Variants in UBE3C observed in about 807,000 individuals in gnomAD.
The protein encoded by UBE3C is ubiquitin protein ligase E3C, also known as ubiquitin-protein ligase E3C.
In UBE3C, 42 loss-of-function variants were observed where a neutral mutation model predicts 129.4. That is an observed-to-expected ratio of 0.32 (90% CI 0.25 to 0.42). The LOEUF is 0.42. Among genes scored for constraint, UBE3C ranks in the 10% least tolerant of loss-of-function variants. The pLI, the probability that UBE3C is intolerant of heterozygous loss-of-function variation, is 1.00. For missense variants in UBE3C, 1,049 were observed against 1,319.1 expected (o/e 0.80, Z 3.17); for synonymous variants, 510 against 492.4 (o/e 1.04, Z -0.47).
chr7:157,189,114 A>C, intron 10 of UBE3C: 1 of 407,148 alleles, frequency 2.5e-6, no homozygotes, highest in African/African-American at 2.0e-5. Context: ...GCATAAAGAA[A>C]CTTGGAAGCA....
rs146828901 is a variant in UBE3C at position 157,142,555 on chromosome 7, G to C, written c.66+3217G>C. 8.5e-5 allele frequency among the ~76,000 whole-genome samples: 13 copies of C among 152,308 alleles called. No homozygotes were observed. The East Asian group carries it at 2.3e-3, about 27-fold the overall frequency. On this transcript the variant is annotated intron_variant, in intron 1 of 22. Transcript: ENST00000348165. ...ATTAGGATGGGTGGAAGACGAGAAG[G>C]CATTCCAGGTTCGTGGAGCGGGGTG...
At chr7:157,166,833 A>G (rs1168904786) in intron 2 of UBE3C, among the ~76,000 whole-genome samples, 1 of 150,658 alleles carries the variant, frequency 6.6e-6, no homozygotes, top group East Asian at 2.0e-4. Flanking sequence ...TCCTTTGGAG[A>G]TGTCGTATTT....
intron 4 of UBE3C, among the ~76,000 whole-genome samples, chr7:157,171,861 C>T (rs1247527151): frequency 1.0e-4 from 15 of 150,360 alleles, no homozygotes. Flanking sequence ...CGTGTACCAC[C>T]ACGCCCAGCT....
In UBE3C at chr7:157,254,055, C is replaced by G. The variant is rs2116693845; in HGVS notation, c.2796C>G (p.Ile932Met). 6.2e-7 allele frequency: 1 copy of G among 1,613,678 alleles called. No homozygotes were observed. Among genetic ancestry groups the G allele is most frequent in the East Asian group, 2.2e-5 (1 of 44,858 alleles). The part of the protein sequence containing the change: ...LVADYRLNRQ[I>M]RQHCLAFRQG... ...CAGACTACAGGCTGAACAGGCAGAT[C>G]CGCCAGCACTGCCTGGCTTTCCGCC... The change falls in exon 20 of 23, where the codon ATC (isoleucine) becomes ATG (methionine). Residue 932 changes from isoleucine (I) to methionine (M), a missense_variant. By Grantham distance (10) the Ile-to-Met change is conservative. This residue lies in a region of UBE3C where 243 missense variants were observed against 368.7 expected (regional missense o/e 0.66). Coordinates refer to ENST00000348165, the MANE Select transcript of UBE3C (RefSeq NM_014671.3).
chr7:157,209,692 G>A lies in UBE3C; in HGVS notation c.1809+1757G>A, dbSNP rs1300270440. The stretch of plus-strand genomic sequence containing the variant: ...ATAATTTCACTGTTTTATGGCATCT[G>A]TTGAGAGTTTCATAATTTCCATGAC... On this transcript the variant is annotated intron_variant, in intron 13 of 22. Transcript: ENST00000348165. Among the ~76,000 whole-genome samples the A allele has an allele frequency of 2.6e-5, 4 of 152,158 alleles. No individual in the cohort carries two copies. In the South Asian group the frequency reaches 6.2e-4, roughly 24 times the overall value.
intron 1 of UBE3C, among the ~76,000 whole-genome samples, chr7:157,156,604 C>T (rs1306182459): frequency 6.6e-6 from 1 of 151,820 alleles, no homozygotes; most frequent in Non-Finnish European, 1.5e-5. Flanking sequence ...CGCATCCGGC[C>T]CCAATTCTTT....
At chr7:157,174,214 T>G (rs1177690478) in intron 4 of UBE3C, among the ~76,000 whole-genome samples, 1 of 152,018 alleles carries the variant, frequency 6.6e-6, no homozygotes, top group East Asian at 1.9e-4. Flanking sequence ...ATATAAAAAT[T>G]AGCTGGGCGT....
chr7:157,241,110 C>T (rs777949190), intron 18 of UBE3C, among the ~76,000 whole-genome samples: 4 of 151,996 alleles, frequency 2.6e-5, no homozygotes, highest in Non-Finnish European at 2.9e-5. Flanking sequence ...CTTCTGTGCC[C>T]GGTGGTTCAA....
At chr7:157,219,901 TAA>T (rs60291484) in intron 14 of UBE3C, among the ~76,000 whole-genome samples, 68 of 137,660 alleles carry the variant, frequency 4.9e-4, no homozygotes, top group Middle Eastern at 3.8e-3. Flanking sequence ...AGACTCCATC[TAA>T]AAAAAAAAAA....
intron 19 of UBE3C, among the ~76,000 whole-genome samples, chr7:157,250,301 C>T (rs1367459483): frequency 6.6e-6 from 1 of 152,172 alleles, no homozygotes; most frequent in Non-Finnish European, 1.5e-5. Flanking sequence ...TCACTGCACC[C>T]TCAGCCTCCT....
intron 18 of UBE3C, among the ~76,000 whole-genome samples, chr7:157,241,668 C>T (rs1487408747): frequency 6.6e-6 from 1 of 152,210 alleles, no homozygotes; most frequent in African/African-American, 2.4e-5. Flanking sequence ...AGGTTAATTA[C>T]CTTTGGACCC....
At chr7:157,217,250 A>C in intron 14 of UBE3C, 1 of 257,202 alleles carries the variant, frequency 3.9e-6, no homozygotes, top group East Asian at 1.1e-4. Context: ...AGGTTGAAAA[A>C]TATTTTGCTT....
At chr7:157,170,117 G>GTTT (rs146750630) in intron 3 of UBE3C, among the ~76,000 whole-genome samples, 187 bp from the exon 4 acceptor site, 3,363 of 134,788 alleles carry the variant, frequency 0.025, 165 homozygotes, top group African/African-American at 0.087. Context: ...ACCATGCCTG[G>GTTT]TTTTTTTTTT....
At chr7:157,154,410 G>A (rs1397822122) in intron 1 of UBE3C, among the ~76,000 whole-genome samples, 1 of 151,992 alleles carries the variant, frequency 6.6e-6, no homozygotes, top group East Asian at 1.9e-4. Context: ...TATTTTCTCA[G>A]TATCCTCTCA....
chr7:157,231,406 G>C (rs1234567434), intron 18 of UBE3C, 79 bp downstream of exon 18: 3 of 1,555,882 alleles, frequency 1.9e-6, no homozygotes, highest in African/African-American at 1.4e-5. Flanking sequence ...TTGTTATCCA[G>C]GTTTACCATA....
intron 22 of UBE3C, 32 bp from the exon 23 acceptor site, chr7:157,267,553 C>T: frequency 6.2e-7 from 1 of 1,610,726 alleles, no homozygotes. Flanking sequence ...ATGCTTGTTA[C>T]AGTGACATCT....
At chr7:157,241,037 T>G (rs973074032) in intron 18 of UBE3C, among the ~76,000 whole-genome samples, 1 of 152,120 alleles carries the variant, frequency 6.6e-6, no homozygotes, top group Non-Finnish European at 1.5e-5. Flanking sequence ...CCAGGGATTT[T>G]AGCGGGAGGG....
chr7:157,248,554 G>A lies in UBE3C; in HGVS notation c.2668G>A (p.Val890Met). The A allele has an allele frequency of 1.9e-6, 3 of 1,612,584 alleles. No homozygotes were observed. Among genetic ancestry groups the A allele is most frequent in the Non-Finnish European group, 2.5e-6 (3 of 1,180,022 alleles). The change falls in exon 19 of 23, where the codon GTG becomes ATG. Residue 890 changes from valine (V) to methionine (M), a missense_variant. Physicochemically the swap from Val to Met is conservative, Grantham distance 21. Coordinates refer to ENST00000348165, the MANE Select transcript of UBE3C (RefSeq NM_014671.3). ...VEELGLNFTVVNNDLGEAQVV... is the reference protein window; with the variant it reads ...VEELGLNFTVMNNDLGEAQVV... ...GGAGCTTGGGCTGAACTTCACTGTG[G>A]TGAACAATGACCTGGGAGAGGCGCA...
At chr7:157,265,263 C>G (rs1415597694) in intron 22 of UBE3C, among the ~76,000 whole-genome samples, 1 of 152,252 alleles carries the variant, frequency 6.6e-6, no homozygotes, top group Non-Finnish European at 1.5e-5. Flanking sequence ...GATACTAAAT[C>G]TGCACAGGCT....
Sources: gnomAD v4.1 joint callset for allele counts (sites outside exome capture counted in the v4.1 genomes callset) on GRCh38, gnomAD v4.1.1 for gene constraint, gnomAD v4.1.1 regional missense constraint, MANE v1.5 for transcripts, NCBI Gene and HGNC (gene_info 2026-07-23, HGNC 2026-07-21) for gene names.